The following TBC1D5 variants were observed in gnomAD, a reference collection of about 807,000 sequenced individuals.
The protein encoded by TBC1D5 is TBC1 domain family member 5.
Under a neutral mutation model 100.3 loss-of-function variants are expected in TBC1D5, and 75 were observed. That is an observed-to-expected ratio of 0.75 (90% CI 0.62 to 0.91). The LOEUF (loss-of-function observed/expected upper bound fraction) is 0.91. Ranked by LOEUF, TBC1D5 falls within the 40% of genes least tolerant of loss-of-function variation. TBC1D5 has a pLI of 0.00. For synonymous variants in TBC1D5, 323 were observed against 325.6 expected (o/e 0.99, Z 0.09); for missense variants, 910 against 942.4 (o/e 0.97, Z 0.45).
intron 18 of TBC1D5, among the ~76,000 whole-genome samples, chr3:17,208,007 G>A (rs1345587749): frequency 6.6e-6 from 1 of 152,180 alleles, no homozygotes; most frequent in Non-Finnish European, 1.5e-5. Context: ...TCTGGCCACT[G>A]GTTTGTGTAA....
chr3:17,741,800 ATTTTTTTTTTTT>A (rs779385615), upstream of TBC1D5, among the ~76,000 whole-genome samples: 142 of 47,974 alleles, frequency 3.0e-3, no homozygotes, highest in African/African-American at 0.012. Flanking sequence ...CTCCCTGCGA[ATTTTTTTTTTTT>A]TTTTTTTTTT....
chr3:17,316,991 G>GA (rs1278884950), intron 13 of TBC1D5, among the ~76,000 whole-genome samples: 1 of 152,066 alleles, frequency 6.6e-6, no homozygotes, highest in Non-Finnish European at 1.5e-5. Flanking sequence ...ATCATTAATG[G>GA]AAAAAATTAC....
chr3:17,214,092 A>C, intron 18 of TBC1D5, 115 bp downstream of exon 19: 1 of 970,286 alleles, frequency 1.0e-6, no homozygotes, highest in Non-Finnish European at 1.4e-6. Flanking sequence ...AATTCCTTTT[A>C]GTCCATAAAA....
intron 17 of TBC1D5, among the ~76,000 whole-genome samples, chr3:17,219,003 C>A (rs904227026): frequency 6.6e-6 from 1 of 151,616 alleles, no homozygotes; most frequent in Non-Finnish European, 1.5e-5. Flanking sequence ...CTGCCCCTCT[C>A]TTTTCCTTCT....
At chr3:17,594,804 T>C (rs919229703) in intron 2 of TBC1D5, among the ~76,000 whole-genome samples, 3 of 152,172 alleles carry the variant, frequency 2.0e-5, no homozygotes, top group African/African-American at 7.2e-5. Flanking sequence ...TTATGTATGA[T>C]CTCAGGAGAT....
intron 14 of TBC1D5, among the ~76,000 whole-genome samples, chr3:17,306,981 C>T (rs1354612851): frequency 1.3e-5 from 2 of 152,104 alleles, no homozygotes; most frequent in Non-Finnish European, 2.9e-5. Flanking sequence ...ACCTTCGAGG[C>T]ACAGAACAAA....
intron 15 of TBC1D5, among the ~76,000 whole-genome samples, chr3:17,267,195 C>T (rs988295476): frequency 1.4e-4 from 21 of 152,026 alleles, no homozygotes; most frequent in Non-Finnish European, 2.6e-4. Flanking sequence ...TTGAATTTAG[C>T]GTGCAGAAAG....
intron 16 of TBC1D5, among the ~76,000 whole-genome samples, chr3:17,257,132 T>C (rs1045924290): frequency 6.6e-6 from 1 of 152,138 alleles, no homozygotes; most frequent in Admixed American, 6.6e-5. Flanking sequence ...ATATAACCTG[T>C]TATAAATTGA....
chr3:17,628,087 C>T (rs371568865), intron 1 of TBC1D5, among the ~76,000 whole-genome samples: 3 of 151,842 alleles, frequency 2.0e-5, no homozygotes, highest in Non-Finnish European at 2.9e-5. Context: ...ACACACACTC[C>T]GCCGGGTGTG....
At chr3:17,494,963 T>C (rs1326816638) in intron 3 of TBC1D5, among the ~76,000 whole-genome samples, 2 of 152,062 alleles carry the variant, frequency 1.3e-5, no homozygotes, top group Non-Finnish European at 2.9e-5. Flanking sequence ...ATACACGATT[T>C]CCCAGGCAGG....
At position 17,166,947 on chromosome 3, in the gene TBC1D5, A is replaced by T. The variant is rs1161542072; in HGVS notation, c.1933-19T>A. On this transcript the variant is annotated intron_variant, in intron 20 of 21. Transcript: ENST00000253692. Reference sequence around the variant, plus strand: ...CTTTGATCTATTTTCAAAGAAGAAGAAAATAAATGAAAAAAATGGATGAGT... The same window carrying T: ...CTTTGATCTATTTTCAAAGAAGAAGTAAATAAATGAAAAAAATGGATGAGT... 1.3e-6 allele frequency: 2 copies of T among 1,580,870 alleles called. No individual in the cohort carries two copies. Among genetic ancestry groups the T allele is most frequent in the South Asian group, 2.3e-5 (2 of 85,278 alleles).
intron 13 of TBC1D5, among the ~76,000 whole-genome samples, chr3:17,365,099 T>A (rs939641682): frequency 3.3e-5 from 5 of 152,230 alleles, no homozygotes; most frequent in Non-Finnish European, 7.3e-5. Context: ...CAAATAATGA[T>A]TTAAATTATT....
chr3:17,218,816 T>C (rs2073944885), intron 17 of TBC1D5, among the ~76,000 whole-genome samples: 1 of 152,058 alleles, frequency 6.6e-6, no homozygotes, highest in Non-Finnish European at 1.5e-5. Context: ...GCTGTTCTTC[T>C]ATTGCTGCTT....
chr3:17,383,910 T>G lies in TBC1D5; in HGVS notation c.612+3A>C. The stretch of plus-strand genomic sequence containing the variant: ...GATGCCACCTGTAAGATATTTTCAT[T>G]ACCTGTTTATAAAGCAACTGCTCGT... On this transcript the variant is annotated splice_donor_region_variant and intron_variant, in intron 9 of 21. Coordinates refer to ENST00000253692, the Ensembl canonical transcript of TBC1D5. 6.3e-7 allele frequency: 1 copy of G among 1,588,706 alleles called. No homozygotes were observed. The highest frequency in any genetic ancestry group is 8.6e-7 in the Non-Finnish European group (1 of 1,162,458).
intron 14 of TBC1D5, among the ~76,000 whole-genome samples, chr3:17,307,012 A>G (rs1440776718): frequency 1.3e-4 from 20 of 152,050 alleles, no homozygotes. Flanking sequence ...TTTGGATAAA[A>G]TGTGGTGCTC....
chr3:17,307,874 T>C, intron 14 of TBC1D5, 118 bp downstream of exon 14: 1 of 1,316,824 alleles, frequency 7.6e-7, no homozygotes, highest in Non-Finnish European at 1.0e-6. Flanking sequence ...ATTACCCTAC[T>C]ACAAAAATTG....
At chr3:17,208,234 G>GTTGGAAGC (rs1420685902) in intron 18 of TBC1D5, among the ~76,000 whole-genome samples, 1 of 152,234 alleles carries the variant, frequency 6.6e-6, no homozygotes, top group Non-Finnish European at 1.5e-5. Context: ...ACTGTGCACT[G>GTTGGAAGC]TTGGAAGCTT....
chr3:17,421,624 G>C (rs2094209871), intron 4 of TBC1D5, among the ~76,000 whole-genome samples: 1 of 152,140 alleles, frequency 6.6e-6, no homozygotes, highest in Non-Finnish European at 1.5e-5. Flanking sequence ...AAAGTTAACA[G>C]TAGTTACCTA....
chr3:17,210,518 T>C (rs1575986172), intron 18 of TBC1D5, among the ~76,000 whole-genome samples: 1 of 152,076 alleles, frequency 6.6e-6, no homozygotes. Context: ...TATCGCTCCA[T>C]TGTCTTGCTT....
Sources: gnomAD v4.1 joint callset for allele counts (sites outside exome capture counted in the v4.1 genomes callset) on GRCh38, gnomAD v4.1.1 for gene constraint, MANE v1.5 for transcripts, NCBI Gene and HGNC (gene_info 2026-07-23, HGNC 2026-07-21) for gene names.